USP15: variants seen among roughly 807,000 people sequenced by gnomAD.
The protein encoded by USP15 is ubiquitin carboxyl-terminal hydrolase 15.
Under a neutral mutation model 127.1 loss-of-function variants are expected in USP15, and 18 were observed. The observed-to-expected ratio is 0.14, with a 90% confidence interval of 0.10 to 0.21. The LOEUF is 0.21. Ranked by LOEUF, USP15 falls within the 10% of genes least tolerant of loss-of-function variation. The pLI, the probability that USP15 is intolerant of heterozygous loss-of-function variation, is 1.00. For synonymous variants in USP15, 364 were observed against 393.7 expected (o/e 0.92, Z 0.89); for missense variants, 805 against 1,159.9 (o/e 0.69, Z 4.44).
chr12:62,397,810 T>TCA (rs1416763570), intron 20 of USP15, among the ~76,000 whole-genome samples: 7 of 149,056 alleles, frequency 4.7e-5, no homozygotes, highest in African/African-American at 1.7e-4. Context: ...AGAGCCCAGA[T>TCA]CACACCACTG....
chr12:62,367,904 G>T (rs572600023), intron 8 of USP15, among the ~76,000 whole-genome samples: 4 of 152,008 alleles, frequency 2.6e-5, no homozygotes, highest in Admixed American at 6.6e-5. Context: ...TGTGATGTTA[G>T]GGTGTCAATT....
rs2067071435 is a variant in USP15 at position 62,384,182 on chromosome 12, T to C, written c.1353T>C (p.Cys451=). The C allele has an allele frequency of 6.2e-7, 1 of 1,613,036 alleles. No individual in the cohort carries two copies. Among genetic ancestry groups the C allele is most frequent in the African/African-American group, 1.3e-5 (1 of 74,884 alleles). The change falls in exon 11 of 22, where the codon TGT becomes TGC. Residue 451 remains cysteine, a synonymous_variant. Transcript: ENST00000280377. The stretch of plus-strand genomic sequence containing the variant: ...AATCAACTTTAGTTTGTCCTGAGTG[T>C]GCTAAGATTTCAGTAACATTTGATC... ...LFKSTLVCPE[C]AKISVTFDPF... is the part of the protein sequence containing the mutation.
intron 8 of USP15, among the ~76,000 whole-genome samples, chr12:62,380,498 G>A (rs1005334170): frequency 2.6e-5 from 4 of 151,896 alleles, no homozygotes; most frequent in South Asian, 2.1e-4. Flanking sequence ...AGCAAGCTTC[G>A]AAAAACTCTG....
At chr12:62,286,659 C>T (rs769167193) in intron 1 of USP15, among the ~76,000 whole-genome samples, 11 of 152,046 alleles carry the variant, frequency 7.2e-5, no homozygotes, top group African/African-American at 4.8e-5. Context: ...GATACATGGC[C>T]GGGCGTGGTG....
chr12:62,360,794 A>G (rs1170048457), intron 8 of USP15, among the ~76,000 whole-genome samples: 1 of 152,052 alleles, frequency 6.6e-6, no homozygotes, highest in Non-Finnish European at 1.5e-5. Flanking sequence ...ATTTAAAACT[A>G]CTACTTTCTA....
chr12:62,315,777 A>G (rs1291754729), intron 4 of USP15, among the ~76,000 whole-genome samples: 1 of 152,204 alleles, frequency 6.6e-6, no homozygotes, highest in Non-Finnish European at 1.5e-5. Context: ...GAATTTCATT[A>G]ACTGCATTTG....
At position 62,314,766 on chromosome 12, in the gene USP15, ATTTGT is replaced by A. The variant is rs753439593; in HGVS notation, c.349-16_349-12del. 11 of 1,520,366 alleles carry A rather than the reference ATTTGT, an allele frequency of 7.2e-6. No homozygotes were observed. Among genetic ancestry groups the A allele is most frequent in the African/African-American group, 7.0e-5 (5 of 71,188 alleles). 94.2% of individuals were successfully genotyped at this position (1,520,366 alleles called of 1,614,324 possible). A position where few individuals can be genotyped will look rare whatever the true frequency, so the allele number is the denominator to read the frequency against. Reference sequence around the variant, plus strand: ...AAATATATTGATATAGGTGACACTGATTTGTTTTGTTTCATTATTTTAGGTGGTTG... The same window carrying A: ...AAATATATTGATATAGGTGACACTGATTTGTTTCATTATTTTAGGTGGTTG... On this transcript the variant is annotated intron_variant, in intron 3 of 21. Transcript: ENST00000280377.
rs1291887142 is a variant in USP15 at position 62,406,864 on chromosome 12, CTGAGG to C, written c.*2494_*2498del. 6.6e-6 allele frequency: 1 copy of C among 151,786 alleles called. No individual in the cohort carries two copies. Among genetic ancestry groups the C allele is most frequent in the Non-Finnish European group, 1.5e-5 (1 of 68,062 alleles). 9.4% of individuals were successfully genotyped at this position (151,786 alleles called of 1,614,324 possible). A position where few individuals can be genotyped will look rare whatever the true frequency, so the allele number is the denominator to read the frequency against. ...CCTGTGTTCCCAGCTACTGGGGAGG[CTGAGG>C]TGAGAGAATTGCTTGAGCCCAGGCA... On this transcript the variant is annotated 3_prime_UTR_variant, in exon 22 of 22. Transcript: ENST00000280377.
At chr12:62,374,240 CT>C (rs2066758311) in intron 8 of USP15, 1 of 254,040 alleles carries the variant, frequency 3.9e-6, no homozygotes, top group African/African-American at 2.3e-5. Context: ...TTAGAATGGG[CT>C]TTTATTTTTA....
At chr12:62,311,002 C>T (rs1013933186) in intron 3 of USP15, among the ~76,000 whole-genome samples, 1 of 151,720 alleles carries the variant, frequency 6.6e-6, no homozygotes, top group African/African-American at 2.4e-5. Flanking sequence ...TTTTTATATA[C>T]CTGTTGGCCA....
chr12:62,371,280 G>A (rs1339781379), intron 8 of USP15, among the ~76,000 whole-genome samples: 1 of 152,088 alleles, frequency 6.6e-6, no homozygotes, highest in Non-Finnish European at 1.5e-5. Flanking sequence ...TTCCCTACTT[G>A]CGTTTTTCAT....
At chr12:62,280,417 T>G (rs1351137141) in intron 1 of USP15, among the ~76,000 whole-genome samples, 1 of 152,098 alleles carries the variant, frequency 6.6e-6, no homozygotes, top group African/African-American at 2.4e-5. Context: ...AACAGCAAAT[T>G]TATTTGTCAC....
chr12:62,377,676 C>T (rs1017903901), intron 8 of USP15, among the ~76,000 whole-genome samples: 3 of 151,574 alleles, frequency 2.0e-5, no homozygotes, highest in Admixed American at 6.6e-5. Flanking sequence ...GCTGAGATCA[C>T]GCCATTGTGC....
chr12:62,396,822 C>T (rs2067506473), intron 20 of USP15, among the ~76,000 whole-genome samples: 1 of 152,190 alleles, frequency 6.6e-6, no homozygotes, highest in Admixed American at 6.5e-5. Flanking sequence ...AGTTGTTTCT[C>T]ACTGCTTATG....
chr12:62,348,507 TTAAAA>T (rs1407026979), intron 6 of USP15, among the ~76,000 whole-genome samples: 8 of 152,170 alleles, frequency 5.3e-5, no homozygotes, highest in Non-Finnish European at 1.2e-4. Context: ...GCCTAGTAAA[TTAAAA>T]TAACATGTTT....
intron 8 of USP15, among the ~76,000 whole-genome samples, chr12:62,355,779 T>A (rs1440794454): frequency 6.6e-6 from 1 of 150,420 alleles, no homozygotes; most frequent in Non-Finnish European, 1.5e-5. Context: ...GCAAAACTAA[T>A]GAGTTCCCTC....
chr12:62,281,962 G>A (rs2063661237), intron 1 of USP15, among the ~76,000 whole-genome samples: 1 of 152,080 alleles, frequency 6.6e-6, no homozygotes, highest in African/African-American at 2.4e-5. Context: ...AAGACCCTCA[G>A]TGGATGCCTG....
chr12:62,389,508 A>G lies in USP15; in HGVS notation c.1551A>G (p.Ala517=), dbSNP rs972943332. The G allele has an allele frequency of 6.2e-6, 10 of 1,613,604 alleles. No homozygotes were observed. Among genetic ancestry groups the G allele is most frequent in the Non-Finnish European group, 8.5e-6 (10 of 1,179,878 alleles). Residue 517 remains alanine, a synonymous_variant, in exon 12 of 22, where the codon GCA becomes GCG. Coordinates refer to ENST00000280377, the MANE Select transcript of USP15 (RefSeq NM_001252078.2). ...TGTCTGCTTTGTCAGGAATACCTGC[A>G]GATAAGGTAAGATGTTTCTGGGGTT... ...TALSALSGIP[A]DKMIVTDIYN...
At chr12:62,374,140 TA>T (rs1360644195) in intron 8 of USP15, among the ~76,000 whole-genome samples, 4 of 152,030 alleles carry the variant, frequency 2.6e-5, no homozygotes, top group Admixed American at 2.0e-4. Flanking sequence ...AAAAACTGTT[TA>T]AAGGTATTCC....
Sources: allele counts gnomAD v4.1 joint callset (sites outside exome capture counted in the v4.1 genomes callset), GRCh38; gene constraint gnomAD v4.1.1; transcripts MANE v1.5; gene names NCBI Gene and HGNC (gene_info 2026-07-23, HGNC 2026-07-21).